HDX: variants seen among roughly 807,000 people sequenced by gnomAD.
HDX encodes chromosome X open reading frame 43.
A neutral mutation model predicts 45.2 loss-of-function variants in HDX; 19 were observed. The observed-to-expected ratio is 0.42, with a 90% CI of 0.29 to 0.62. The LOEUF (loss-of-function observed/expected upper bound fraction) is 0.62. HDX is among the 20% of genes least tolerant of loss of function. HDX has a pLI of 0.20. For synonymous variants in HDX, 188 were observed against 172.8 expected, an observed-to-expected ratio of 1.09 and a Z score of -0.69; for missense variants, 532 against 493.9, an observed-to-expected ratio of 1.08 and a Z score of -0.73.
chrX:84,373,275 TGTATG>T (rs766973581), intron 5 of HDX, among the ~76,000 whole-genome samples: 1 of 111,222 alleles, frequency 9.0e-6, no homozygotes, highest in Admixed American at 9.6e-5. Context: ...CTTCTATCCA[TGTATG>T]GAAACACAAG....
intron 1 of HDX, among the ~76,000 whole-genome samples, chrX:84,488,490 G>T (rs1205103434): frequency 1.8e-5 from 2 of 110,990 alleles, no homozygotes; most frequent in African/African-American, 6.5e-5. Context: ...TATACTTCTA[G>T]GCATTTTTTC....
intron 4 of HDX, among the ~76,000 whole-genome samples, chrX:84,458,605 A>C (rs186419028): frequency 2.6e-4 from 29 of 111,699 alleles, no homozygotes; most frequent in Admixed American, 6.7e-4. Context: ...CTGTTGCTTT[A>C]AATCTTTGCC....
chrX:84,468,609 G>A lies in HDX; in HGVS notation c.1114C>T (p.His372Tyr). 1.7e-6 allele frequency: 2 copies of A among 1,205,006 alleles called. No individual in the cohort carries two copies. The highest frequency in any genetic ancestry group is 3.5e-5 in the African/African-American group (2 of 57,584). ...DNVLYQNRNYHLTPRTSLHTA... is the reference protein window; with the variant it reads ...DNVLYQNRNYYLTPRTSLHTA... ...TGTAATGAGGTCCGTGGTGTCAAATGGTAGTTTCTGTTTTGATACAGTACA... is the reference window on the plus strand; with the variant it reads ...TGTAATGAGGTCCGTGGTGTCAAATAGTAGTTTCTGTTTTGATACAGTACA... The change falls in exon 4 of 11, where the codon CAT (histidine) becomes TAT (tyrosine). Residue 372 changes from histidine (H) to tyrosine (Y), a missense_variant. This residue lies in a region of HDX where 376 missense variants were observed against 343.7 expected (regional missense o/e 1.09). Coordinates refer to ENST00000373177, the MANE Select transcript of HDX (RefSeq NM_001177479.2).
At chrX:84,467,582 C>T (rs1267944428) in intron 4 of HDX, among the ~76,000 whole-genome samples, 2 of 104,225 alleles carry the variant, frequency 1.9e-5, no homozygotes, top group African/African-American at 3.6e-5. Flanking sequence ...GCCAAGATCA[C>T]GTCACTGCAC....
At chrX:84,495,543 C>A (rs142041678) in intron 1 of HDX, among the ~76,000 whole-genome samples, 1,153 of 111,117 alleles carry the variant, frequency 0.01, 22 homozygotes, top group African/African-American at 0.037. Context: ...AATCATGCTC[C>A]AGACTTCTTG....
intron 5 of HDX, among the ~76,000 whole-genome samples, chrX:84,434,000 A>G (rs2039562922): frequency 1.8e-5 from 2 of 111,616 alleles, no homozygotes; most frequent in African/African-American, 6.5e-5. Context: ...TTGTTTACGC[A>G]TAAAAATGCT....
At chrX:84,326,479 T>A (rs1347853254) in intron 9 of HDX, among the ~76,000 whole-genome samples, 179 bp from the exon 10 acceptor site, 1 of 111,617 alleles carries the variant, frequency 9.0e-6, no homozygotes, top group Non-Finnish European at 1.9e-5. Context: ...ACAGGATGCC[T>A]TTTAAGCAAA....
chrX:84,357,357 G>A lies in HDX; in HGVS notation c.1452+4109C>T, dbSNP rs186375117. 2.7e-3 allele frequency among the ~76,000 whole-genome samples: 296 copies of A among 111,400 alleles called. 2 individuals carry two copies. The highest frequency in any genetic ancestry group is 9.3e-3 in the African/African-American group (286 of 30,645). ...AAGGGTTTAAAGATAAATTAGTAGT[G>A]AGTACCTAGAAAATAACTCAAGCAA... On this transcript the variant is annotated intron_variant, in intron 6 of 10. Transcript: ENST00000373177.
intron 5 of HDX, among the ~76,000 whole-genome samples, chrX:84,420,784 ATC>A (rs61119223): frequency 0.069 from 7,704 of 111,487 alleles, 319 homozygotes; most frequent in African/African-American, 0.16. Flanking sequence ...GCTCCAATAC[ATC>A]TGTCAGCAGA....
intron 4 of HDX, among the ~76,000 whole-genome samples, chrX:84,447,093 G>C (rs375348083): frequency 9.0e-6 from 1 of 111,505 alleles, no homozygotes; most frequent in Non-Finnish European, 1.9e-5. Context: ...TGGACCCTTG[G>C]GGAAAGAGAT....
At chrX:84,373,328 C>G (rs922296081) in intron 5 of HDX, among the ~76,000 whole-genome samples, 1 of 110,628 alleles carries the variant, frequency 9.0e-6, no homozygotes, top group African/African-American at 3.3e-5. Context: ...ACATTTGGTT[C>G]AGAGTCTTGG....
chrX:84,326,989 G>A (rs1316629220), intron 9 of HDX, among the ~76,000 whole-genome samples: 2 of 110,194 alleles, frequency 1.8e-5, no homozygotes, highest in Non-Finnish European at 3.8e-5. Context: ...CAGTAATGTT[G>A]AATTTGCCAT....
chrX:84,492,879 AT>A (rs1294162589), intron 1 of HDX, among the ~76,000 whole-genome samples: 12 of 109,972 alleles, frequency 1.1e-4, no homozygotes, highest in Non-Finnish European at 1.9e-4. Context: ...CCACTCCAGA[AT>A]TTTTTAGTAC....
intron 5 of HDX, among the ~76,000 whole-genome samples, chrX:84,373,772 G>A (rs1602336164): frequency 9.0e-6 from 1 of 111,199 alleles, no homozygotes; most frequent in Non-Finnish European, 1.9e-5. Flanking sequence ...AATAATAAGA[G>A]CTATTTATGA....
At chrX:84,479,595 G>C (rs1406582074) in intron 2 of HDX, among the ~76,000 whole-genome samples, 1 of 111,652 alleles carries the variant, frequency 9.0e-6, no homozygotes, top group Non-Finnish European at 1.9e-5. Flanking sequence ...TGGGTCGTAT[G>C]GTAAGTGTAT....
At chrX:84,477,562 T>C (rs955461929) in intron 2 of HDX, among the ~76,000 whole-genome samples, 13 of 111,390 alleles carry the variant, frequency 1.2e-4, no homozygotes, top group African/African-American at 4.2e-4. Context: ...AAGGCCACTT[T>C]GCTCAAAAGA....
At chrX:84,402,588 C>T (rs2038731202) in intron 5 of HDX, among the ~76,000 whole-genome samples, 1 of 111,361 alleles carries the variant, frequency 9.0e-6, no homozygotes, top group Non-Finnish European at 1.9e-5. Flanking sequence ...TGAAAGACAT[C>T]GTGGTTGTTT....
At chrX:84,448,103 C>T (rs911937075) in intron 4 of HDX, among the ~76,000 whole-genome samples, 14 of 111,946 alleles carry the variant, frequency 1.3e-4, no homozygotes, top group African/African-American at 4.5e-4. Context: ...CCTGAGCACA[C>T]TGTCAGTGCC....
intron 7 of HDX, 26 bp from the exon 8 acceptor site, chrX:84,336,906 A>T (rs2147783093): frequency 9.7e-7 from 1 of 1,034,643 alleles, no homozygotes; most frequent in Admixed American, 2.6e-5. Flanking sequence ...CCATAATTTC[A>T]TTTTCATTTC....
Sources: gnomAD v4.1 joint callset for allele counts (sites outside exome capture counted in the v4.1 genomes callset) on GRCh38, gnomAD v4.1.1 for gene constraint, gnomAD v4.1.1 regional missense constraint, MANE v1.5 for transcripts, NCBI Gene and HGNC (gene_info 2026-07-23, HGNC 2026-07-21) for gene names.